Variants in MRPL22 observed in about 807,000 individuals in gnomAD.
MRPL22 encodes large ribosomal subunit protein uL22m.
A neutral mutation model predicts 32.4 loss-of-function variants in MRPL22; 27 were observed. The ratio of observed to expected loss-of-function variants is 0.83; its 90% confidence interval spans 0.61 to 1.15. The LOEUF (loss-of-function observed/expected upper bound fraction) is 1.15, where lower values mean the gene tolerates loss of function less well. Among genes scored for constraint, MRPL22 ranks in the 50% most tolerant of loss-of-function variants. The pLI is 0.00. For missense variants in MRPL22, 239 were observed against 260.2 expected (o/e 0.92, Z 0.56); for synonymous variants, 86 against 87.3 (o/e 0.99, Z 0.08).
At chr5:154,961,953 G>A (rs1486200398) in intron 6 of MRPL22, among the ~76,000 whole-genome samples, 1 of 152,170 alleles carries the variant, frequency 6.6e-6, no homozygotes, top group African/African-American at 2.4e-5. Context: ...CTCCCAAAGT[G>A]TTAGGATTAC....
intron 2 of MRPL22, 46 bp from the exon 3 acceptor site, chr5:154,950,775 G>C: frequency 8.2e-7 from 1 of 1,213,656 alleles, no homozygotes; most frequent in Non-Finnish European, 1.2e-6. Context: ...TCTACAGAAA[G>C]GTCCCCTAAG....
chr5:154,965,296 A>T (rs1233547198), intron 6 of MRPL22, among the ~76,000 whole-genome samples: 1 of 152,176 alleles, frequency 6.6e-6, no homozygotes, highest in Non-Finnish European at 1.5e-5. Context: ...TATTCTGTAG[A>T]TTTTACCTTT....
intron 5 of MRPL22, among the ~76,000 whole-genome samples, chr5:154,958,415 T>C (rs1007467673): frequency 6.6e-6 from 1 of 151,582 alleles, no homozygotes; most frequent in Non-Finnish European, 1.5e-5. Flanking sequence ...TTTGTAATGC[T>C]TTGATTTTGC....
At chr5:154,946,698 G>C (rs979447895) in intron 2 of MRPL22, among the ~76,000 whole-genome samples, 1 of 152,164 alleles carries the variant, frequency 6.6e-6, no homozygotes, top group East Asian at 1.9e-4. Context: ...GTGCGTCCCT[G>C]TAATCCCAGC....
chr5:154,952,991 C>T (rs778721624), intron 3 of MRPL22, among the ~76,000 whole-genome samples: 6 of 152,128 alleles, frequency 3.9e-5, no homozygotes, highest in Non-Finnish European at 7.4e-5. Context: ...AGACTAACTT[C>T]GTAGTTTAGC....
In MRPL22 at chr5:154,947,585, G is replaced by T. The variant is rs139608834; in HGVS notation, c.78-3236G>T. Among the ~76,000 whole-genome samples the T allele has an allele frequency of 6.8e-3, 1,034 of 152,312 alleles. 6 individuals carry two copies. Among genetic ancestry groups the T allele is most frequent in the Non-Finnish European group, 0.011 (748 of 68,022 alleles). On this transcript the variant is annotated intron_variant, in intron 2 of 6. Transcript: ENST00000523037. ...TCATCCAAGTTGCATATTTGTATGA[G>T]AATATGCCAATATACAACCACTTTG...
intron 6 of MRPL22, among the ~76,000 whole-genome samples, chr5:154,962,493 T>G (rs1355181132): frequency 2.0e-5 from 3 of 152,196 alleles, no homozygotes; most frequent in Non-Finnish European, 4.4e-5. Context: ...AGTTACTTAT[T>G]GGCTACTATT....
At chr5:154,951,808 A>G (rs1261969349) in intron 3 of MRPL22, among the ~76,000 whole-genome samples, 3 of 152,078 alleles carry the variant, frequency 2.0e-5, no homozygotes, top group Non-Finnish European at 4.4e-5. Flanking sequence ...CAATTGCACA[A>G]ATATCATAAA....
chr5:154,948,370 GA>G (rs1383427330), intron 2 of MRPL22, among the ~76,000 whole-genome samples: 2 of 152,100 alleles, frequency 1.3e-5, no homozygotes, highest in Admixed American at 1.3e-4. Context: ...GAAACTAATT[GA>G]TATTTCTGTT....
rs1764813494 is a variant in MRPL22, at chr5:154,969,213, C to A, written c.*2316C>A. 6.6e-6 allele frequency: 1 copy of A among 152,164 alleles called. No individual in the cohort carries two copies. The highest frequency in any genetic ancestry group is 2.1e-4 in the South Asian group (1 of 4,828). The allele number at this position is 152,164 out of a possible 1,614,324, so 9.4% of individuals were successfully genotyped here. A position where few individuals can be genotyped will look rare whatever the true frequency, so the allele number is the denominator to read the frequency against. On this transcript the variant is annotated 3_prime_UTR_variant, in exon 7 of 7. Transcript: ENST00000523037. ...GATGATGGGTGTGGTGTACCCCATG[C>A]TGTTCTCGTGATAGTGAGTGGGTTC...
rs911266461 is a variant in MRPL22, at chr5:154,968,021, T to C, written c.*1124T>C. 2 of 152,260 alleles carry C rather than the reference T, an allele frequency of 1.3e-5. No homozygotes were observed. Among genetic ancestry groups the C allele is most frequent in the African/African-American group, 4.8e-5 (2 of 41,470 alleles). The allele number at this position is 152,260 out of a possible 1,614,324, so 9.4% of individuals were successfully genotyped here. On this transcript the variant is annotated 3_prime_UTR_variant, in exon 7 of 7. Coordinates refer to ENST00000523037, the MANE Select transcript of MRPL22 (RefSeq NM_014180.4). ...ATAGTTACTGTTTACTGGGAACTTG[T>C]TATTTGCAAGCTCTGTGCTAGTATT...
intron 3 of MRPL22, among the ~76,000 whole-genome samples, chr5:154,951,631 G>C (rs2544871): frequency 0.039 from 5,860 of 151,920 alleles, 171 homozygotes; most frequent in African/African-American, 0.084. Flanking sequence ...TCGCCTCCCG[G>C]GTTCAAGGGA....
At chr5:154,956,616 C>G in intron 4 of MRPL22, 180 bp downstream of exon 4, 1 of 553,930 alleles carries the variant, frequency 1.8e-6, no homozygotes, top group East Asian at 3.2e-5. Context: ...TAATTTTCAC[C>G]TTTTTCTGAG....
chr5:154,943,641 C>T (rs1328718794), intron 2 of MRPL22, among the ~76,000 whole-genome samples: 2 of 148,114 alleles, frequency 1.4e-5, no homozygotes, highest in African/African-American at 2.5e-5. Context: ...CACATACATA[C>T]ATGTATATAC....
intron 2 of MRPL22, among the ~76,000 whole-genome samples, chr5:154,943,649 TACAC>T (rs1764450228): frequency 6.8e-6 from 1 of 146,796 alleles, no homozygotes; most frequent in Non-Finnish European, 1.5e-5. Flanking sequence ...TACATGTATA[TACAC>T]ACACATATAT....
rs985640394 is a variant in MRPL22 at position 154,966,991 on chromosome 5, T to G, written c.*94T>G. ...GGCAAATGCTTTTTATGATTTCTCA[T>G]TGAATTATTGAAACAGTGTATAACT... On this transcript the variant is annotated 3_prime_UTR_variant, in exon 7 of 7. Transcript: ENST00000523037. 1.6e-6 allele frequency: 2 copies of G among 1,259,290 alleles called. No homozygotes were observed. Among genetic ancestry groups the G allele is most frequent in the African/African-American group, 3.0e-5 (2 of 66,306 alleles). The allele number at this position is 1,259,290 out of a possible 1,614,324, so 78.0% of individuals were successfully genotyped here.
intron 3 of MRPL22, among the ~76,000 whole-genome samples, chr5:154,954,527 C>T (rs1205318735): frequency 6.6e-6 from 1 of 152,104 alleles, no homozygotes; most frequent in African/African-American, 2.4e-5. Context: ...ACTTTATTTG[C>T]TTGATACGTA....
In MRPL22 at chr5:154,950,100, A is replaced by G. The variant is rs192193882; in HGVS notation, c.78-721A>G. 4.0e-3 allele frequency among the ~76,000 whole-genome samples: 603 copies of G among 152,300 alleles called. 3 individuals carry two copies. The highest frequency in any genetic ancestry group is 0.014 in the African/African-American group (588 of 41,572). ...GATGCCTCAGGAGACTTAGAATCAT[A>G]GGGGAAGGTGAAGGGGAAGCAGGCA... On this transcript the variant is annotated intron_variant, in intron 2 of 6. Coordinates refer to ENST00000523037, the MANE Select transcript of MRPL22 (RefSeq NM_014180.4).
chr5:154,948,184 T>C (rs921707478), intron 2 of MRPL22, among the ~76,000 whole-genome samples: 4 of 152,236 alleles, frequency 2.6e-5, no homozygotes, highest in Admixed American at 6.5e-5. Flanking sequence ...TTACTACTTA[T>C]GGCCAATGTT....
Sources: allele counts gnomAD v4.1 joint callset (sites outside exome capture counted in the v4.1 genomes callset), GRCh38; gene constraint gnomAD v4.1.1; transcripts MANE v1.5; gene names NCBI Gene and HGNC (gene_info 2026-07-23, HGNC 2026-07-21).